Variants in CLIC5 observed in about 807,000 individuals in gnomAD.
The protein encoded by CLIC5 is CLIC family member 5.
In CLIC5, 20 loss-of-function variants were observed where a neutral mutation model predicts 24.7. The observed-to-expected ratio is 0.81, with a 90% CI of 0.57 to 1.18. The LOEUF is 1.18. CLIC5 is among the 50% of genes most tolerant of loss of function. The pLI is 0.00. For synonymous variants in CLIC5, 159 were observed against 135.6 expected, an observed-to-expected ratio of 1.17 and a Z score of -1.20; for missense variants, 341 against 326.1, an observed-to-expected ratio of 1.05 and a Z score of -0.35.
At chr6:46,069,773 A>C (rs561659131) in intron 1 of CLIC5, among the ~76,000 whole-genome samples, 2 of 152,268 alleles carry the variant, frequency 1.3e-5, no homozygotes, top group South Asian at 4.1e-4. Flanking sequence ...CAGCAAAAAA[A>C]GAAAACTTCA....
intron 1 of CLIC5, among the ~76,000 whole-genome samples, chr6:46,047,032 C>T (rs1314726137): frequency 6.6e-6 from 1 of 152,104 alleles, no homozygotes; most frequent in Non-Finnish European, 1.5e-5. Flanking sequence ...AGGGACCTAC[C>T]GTAGTGTTCA....
intron 2 of CLIC5, 142 bp downstream of exon 2, chr6:45,954,993 G>A: frequency 1.7e-6 from 1 of 578,210 alleles, no homozygotes; most frequent in South Asian, 2.4e-5. Flanking sequence ...TTGTAGCTAA[G>A]ACTGGATCCT....
At chr6:46,024,460 A>G (rs548081889) in intron 1 of CLIC5, among the ~76,000 whole-genome samples, 1 of 152,272 alleles carries the variant, frequency 6.6e-6, no homozygotes, top group Admixed American at 6.5e-5. Context: ...TAAAGAGACT[A>G]GGGTATGTTC....
the CLIC5 span, chr6:46,122,998 A>G: frequency 3.3e-5 from 5 of 152,286 alleles, no homozygotes; most frequent in African/African-American, 1.2e-4. Flanking sequence ...ATTCTACCAG[A>G]GGTACAAGGA....
At chr6:45,964,535 A>G (rs889018026) in intron 1 of CLIC5, among the ~76,000 whole-genome samples, 2 of 152,122 alleles carry the variant, frequency 1.3e-5, no homozygotes, top group Non-Finnish European at 2.9e-5. Flanking sequence ...CTCTTTTGGG[A>G]TGCTTGCCCC....
At chr6:45,970,805 G>T (rs1581806413) in intron 1 of CLIC5, among the ~76,000 whole-genome samples, 1 of 152,196 alleles carries the variant, frequency 6.6e-6, no homozygotes, top group East Asian at 1.9e-4. Flanking sequence ...GCAAGTCACT[G>T]TCTCGATCTG....
At chr6:45,994,462 G>A (rs557523365) in intron 1 of CLIC5, among the ~76,000 whole-genome samples, 2 of 152,190 alleles carry the variant, frequency 1.3e-5, no homozygotes, top group South Asian at 2.1e-4. Context: ...GACACAGGGA[G>A]GGGAACAACG....
the CLIC5 span, chr6:46,097,410 G>C: frequency 6.6e-6 from 1 of 152,236 alleles, no homozygotes; most frequent in Non-Finnish European, 1.5e-5. Context: ...CCTGACCCCA[G>C]CTTGGGATAG....
In CLIC5 at chr6:45,910,658, G is replaced by A. The variant is rs533857024; in HGVS notation, c.588+3570C>T. Among the ~76,000 whole-genome samples, 289 of 152,206 alleles carry A rather than the reference G, an allele frequency of 1.9e-3. 1 individual carries two copies. The highest frequency in any genetic ancestry group is 2.5e-3 in the Non-Finnish European group (167 of 68,004). Reference sequence around the variant, plus strand: ...TACATAGCTGATAAAGCAATGGGTCGGTCTACTCAGAATCCCTCATGTTCC... The same window carrying A: ...TACATAGCTGATAAAGCAATGGGTCAGTCTACTCAGAATCCCTCATGTTCC... On this transcript the variant is annotated intron_variant, in intron 5 of 5. Transcript: ENST00000339561.
At chr6:46,024,965 G>A (rs1767289459) in intron 1 of CLIC5, among the ~76,000 whole-genome samples, 1 of 152,124 alleles carries the variant, frequency 6.6e-6, no homozygotes. Context: ...GAAAGGCTAT[G>A]TGTGTAGATT....
At position 46,031,927 on chromosome 6, in the gene CLIC5, T is replaced by C. The variant is rs1378998111; in HGVS notation, c.540+47776A>G. ...ATACAACATATATATGTACACAACA[T>C]ATATATATATATACACACACACACA... On this transcript the variant is annotated intron_variant, in intron 1 of 5. Transcript: ENST00000185206. 6.1e-5 allele frequency among the ~76,000 whole-genome samples: 8 copies of C among 131,920 alleles called. No individual in the cohort carries two copies. In the East Asian group the frequency reaches 1.6e-3, roughly 27 times the overall value. The allele number at this position is 131,920 out of a possible 152,430, so 86.5% of individuals were successfully genotyped here. A position where few individuals can be genotyped will look rare whatever the true frequency, so the allele number is the denominator to read the frequency against.
chr6:46,008,709 A>G lies in CLIC5; in HGVS notation c.63+6771T>C, dbSNP rs189112025. Among the ~76,000 whole-genome samples the G allele has an allele frequency of 4.5e-4, 68 of 152,348 alleles. 1 individual carries two copies. Among genetic ancestry groups the G allele is most frequent in the Admixed American group, 4.4e-3 (67 of 15,304 alleles). On this transcript the variant is annotated intron_variant, in intron 1 of 5. Coordinates refer to ENST00000339561, the MANE Select transcript of CLIC5 (RefSeq NM_016929.5). ...ATTTAAAATTATGTGTCACTCCTAT[A>G]TAATAAAAAATATACAAAGGAAGAA...
the CLIC5 span, among the ~76,000 whole-genome samples, chr6:46,101,992 G>C: frequency 6.6e-5 from 10 of 151,910 alleles, no homozygotes; most frequent in Non-Finnish European, 1.2e-4. Flanking sequence ...GTTGGGGGTG[G>C]GGGTGGTATG....
At chr6:45,984,348 C>T (rs1765662611) in intron 1 of CLIC5, among the ~76,000 whole-genome samples, 1 of 152,156 alleles carries the variant, frequency 6.6e-6, no homozygotes, top group South Asian at 2.1e-4. Flanking sequence ...CCTGTGCTAT[C>T]CCTGGACTCA....
chr6:46,082,077 G>A (rs1167795547), upstream of CLIC5, among the ~76,000 whole-genome samples: 4 of 152,004 alleles, frequency 2.6e-5, no homozygotes, highest in East Asian at 1.9e-4. Context: ...CACCCCTTGG[G>A]GGGTGACACT....
intron 1 of CLIC5, among the ~76,000 whole-genome samples, chr6:46,048,860 T>C (rs1266503874): frequency 3.3e-5 from 5 of 152,200 alleles, no homozygotes; most frequent in Non-Finnish European, 7.3e-5. Flanking sequence ...TCAGAATGCG[T>C]GGTTCAGACC....
At chr6:45,999,010 G>A (rs1464887591) in intron 1 of CLIC5, among the ~76,000 whole-genome samples, 2 of 152,148 alleles carry the variant, frequency 1.3e-5, no homozygotes, top group Non-Finnish European at 2.9e-5. Context: ...GAGGACATTT[G>A]CTGACCTCAA....
chr6:46,029,244 T>C (rs2127454631), intron 1 of CLIC5, among the ~76,000 whole-genome samples: 1 of 152,312 alleles, frequency 6.6e-6, no homozygotes, highest in South Asian at 2.1e-4. Flanking sequence ...GTGTTTTTCA[T>C]GGCACAGTTC....
chr6:45,919,325 C>T lies in CLIC5; in HGVS notation c.407-4916G>A, dbSNP rs116453517. On this transcript the variant is annotated intron_variant, in intron 4 of 5. Transcript: ENST00000339561. Reference sequence around the variant, plus strand: ...TCTATGGGTGGAAGGCTTTGGAAAGCGAATACAGGTTCTGCATTTCTTCTG... The same window carrying T: ...TCTATGGGTGGAAGGCTTTGGAAAGTGAATACAGGTTCTGCATTTCTTCTG... 6.6e-3 allele frequency among the ~76,000 whole-genome samples: 1,001 copies of T among 152,194 alleles called. 12 individuals are homozygous for T. Among genetic ancestry groups the T allele is most frequent in the African/African-American group, 0.023 (959 of 41,520 alleles).
Sources: gnomAD v4.1 joint callset for allele counts (sites outside exome capture counted in the v4.1 genomes callset) on GRCh38, gnomAD v4.1.1 for gene constraint, MANE v1.5 for transcripts, NCBI Gene and HGNC (gene_info 2026-07-23, HGNC 2026-07-21) for gene names.